Variants in FZR1 observed in about 807,000 individuals in gnomAD.
FZR1 encodes fizzy-related protein homolog.
In FZR1, 11 loss-of-function variants were observed where a neutral mutation model predicts 63.6. That is an observed-to-expected ratio of 0.17 (90% CI 0.11 to 0.29). The LOEUF is 0.29. Ranked by LOEUF, FZR1 falls within the 10% of genes least tolerant of loss-of-function variation. The pLI is 1.00. For synonymous variants in FZR1, 328 were observed against 297.9 expected (o/e 1.10, Z -1.04); for missense variants, 440 against 687.5 (o/e 0.64, Z 4.03).
intron 7 of FZR1, 97 bp downstream of exon 7, chr19:3,527,911 C>A (rs929393476): frequency 2.6e-5 from 25 of 951,948 alleles, no homozygotes; most frequent in Non-Finnish European, 3.7e-5. Context: ...TCAGTACGAG[C>A]CAGGCGCCTG....
chr19:3,523,304 G>A (rs2083120998), intron 2 of FZR1, among the ~76,000 whole-genome samples: 1 of 152,258 alleles, frequency 6.6e-6, no homozygotes, highest in Admixed American at 6.5e-5. Context: ...GGTGGAGCTG[G>A]GGCGGCCGCA....
At chr19:3,522,731 C>G (rs2083114338) in intron 1 of FZR1, among the ~76,000 whole-genome samples, 1 of 152,182 alleles carries the variant, frequency 6.6e-6, no homozygotes, top group Non-Finnish European at 1.5e-5. Flanking sequence ...GGCAGGAGGA[C>G]AGGGTGTGGA....
In FZR1 at chr19:3,514,310, G is replaced by A. The variant is rs1255215001; in HGVS notation, c.-35+7836G>A. Among the ~76,000 whole-genome samples, 1 of 152,150 alleles carries A rather than the reference G, an allele frequency of 6.6e-6. No individual in the cohort carries two copies. The highest frequency in any genetic ancestry group is 1.5e-5 in the Non-Finnish European group (1 of 68,004). On this transcript the variant is annotated intron_variant, in intron 1 of 13. Coordinates refer to ENST00000441788, the MANE Select transcript of FZR1 (RefSeq NM_016263.4). The surrounding 1 kb of genome is among the most constrained non-coding windows in gnomAD (Gnocchi z 4.2). ...TGCCTGGCCACACTCTGCAGGTCTC[G>A]CTCATTCAAGTCACTTCCCTGGTTT...
chr19:3,530,399 GATGGGAGAGCGCATGGGAGAGCGC>G (rs1253718396), intron 7 of FZR1, among the ~76,000 whole-genome samples: 9 of 128,350 alleles, frequency 7.0e-5, no homozygotes, highest in African/African-American at 1.9e-4. Context: ...TGGGTGAGCG[GATGGGAGAGCGCATGGGAGAGCGC>G]ATGGGAGAGC....
chr19:3,507,786 C>T lies in FZR1; in HGVS notation c.-35+1312C>T, dbSNP rs560807356. Among the ~76,000 whole-genome samples the T allele has an allele frequency of 5.3e-3, 812 of 152,314 alleles. 5 individuals carry two copies. The highest frequency in any genetic ancestry group is 9.3e-3 in the South Asian group (45 of 4,826). ...TCCCCGGAGTGGATGTGTCGGGGGC[C>T]GTCTGTCATGCGGAATTCCGCGTGG... On this transcript the variant is annotated intron_variant, in intron 1 of 13. Transcript: ENST00000441788.
intron 7 of FZR1, among the ~76,000 whole-genome samples, chr19:3,529,777 C>A (rs1424354052): frequency 3.8e-4 from 12 of 31,886 alleles, no homozygotes; most frequent in Non-Finnish European, 7.1e-4. Flanking sequence ...TGAGCGGATG[C>A]GAGAGTGGAT....
Position 3,514,020 on chromosome 19 carries a change from A to T in FZR1, c.-35+7546A>T, listed in dbSNP as rs2083041362. 6.6e-6 allele frequency among the ~76,000 whole-genome samples: 1 copy of T among 152,166 alleles called. No homozygotes were observed. The highest frequency in any genetic ancestry group is 1.5e-5 in the Non-Finnish European group (1 of 68,014). On this transcript the variant is annotated intron_variant, in intron 1 of 13. Coordinates refer to ENST00000441788, the MANE Select transcript of FZR1 (RefSeq NM_016263.4). The surrounding 1 kb of genome is among the most constrained non-coding windows in gnomAD (Gnocchi z 4.2). Reference sequence around the variant, plus strand: ...CCAAGCAAGGCGTTGCAGGAGTAGGAGCTTGGCTGAGCCTCCAGGAACCAG... The same window carrying T: ...CCAAGCAAGGCGTTGCAGGAGTAGGTGCTTGGCTGAGCCTCCAGGAACCAG...
chr19:3,532,100 C>A lies in FZR1; in HGVS notation c.1008+5C>A. The A allele has an allele frequency of 6.7e-7, 1 of 1,498,340 alleles. No individual in the cohort carries two copies. The highest frequency in any genetic ancestry group is 2.5e-5 in the East Asian group (1 of 40,110). 92.8% of individuals were successfully genotyped at this position (1,498,340 alleles called of 1,614,324 possible). A position where few individuals can be genotyped will look rare whatever the true frequency, so the allele number is the denominator to read the frequency against. ...TCGGGGGGCAACGACAACAAGGTACCCCCGCCCAGAGCCTGGGCTTCCCCT... is the reference window on the plus strand; with the variant it reads ...TCGGGGGGCAACGACAACAAGGTACACCCGCCCAGAGCCTGGGCTTCCCCT... On this transcript the variant is annotated splice_donor_5th_base_variant and intron_variant, in intron 10 of 13. Transcript: ENST00000441788.
rs1052347266 is a variant in FZR1 at position 3,533,841 on chromosome 19, C to T, written c.1347+443C>T. ...TCTTCCCTGAAAAACATGTTCTGTG[C>T]TTTCATCCGCGCATCTGACAGTCCC... On this transcript the variant is annotated intron_variant, in intron 12 of 13. Coordinates refer to ENST00000441788, the MANE Select transcript of FZR1 (RefSeq NM_016263.4). This position sits in a 1 kb window ranked among gnomAD's most constrained non-coding sequence, Gnocchi z 4.9. 5.6e-6 allele frequency: 1 copy of T among 178,818 alleles called. No homozygotes were observed. The highest frequency in any genetic ancestry group is 2.4e-5 in the African/African-American group (1 of 42,008). 11.1% of individuals were successfully genotyped at this position (178,818 alleles called of 1,614,324 possible).
At position 3,523,034 on chromosome 19, in the gene FZR1, C is replaced by G. The variant is rs768911134; in HGVS notation, c.45C>G (p.Ile15Met). ...GGCGCCTGCTTCGCCAGATCGTCAT[C>G]CAGAATGAGAACACGATGCCACGCG... Reference protein sequence around the residue: ...YERRLLRQIVIQNENTMPRVT... With the variant: ...YERRLLRQIVMQNENTMPRVT... Residue 15 changes from isoleucine (I) to methionine (M), a missense_variant, in exon 2 of 14, where the codon ATC (isoleucine) becomes ATG (methionine). Transcript: ENST00000441788. 9.3e-6 allele frequency: 15 copies of G among 1,610,254 alleles called. No homozygotes were observed. Among genetic ancestry groups the G allele is most frequent in the South Asian group, 4.4e-5 (4 of 91,026 alleles).
Position 3,527,621 on chromosome 19 carries a change from G to C in FZR1, c.471-10G>C, listed in dbSNP as rs200707167. The C allele has an allele frequency of 3.1e-4, 501 of 1,596,526 alleles. 1 individual carries two copies. Among genetic ancestry groups the C allele is most frequent in the Non-Finnish European group, 3.8e-4 (447 of 1,172,040 alleles). The stretch of plus-strand genomic sequence containing the variant: ...CGTGGCTCACGGATGCCACGTGGCC[G>C]CCTCTGCAGCCAGAAGCTGCTCCGG... On this transcript the variant is annotated splice_polypyrimidine_tract_variant and intron_variant, in intron 6 of 13. Coordinates refer to ENST00000441788, the MANE Select transcript of FZR1 (RefSeq NM_016263.4).
chr19:3,514,639 T>C lies in FZR1; in HGVS notation c.-35+8165T>C, dbSNP rs1003906563. Among the ~76,000 whole-genome samples, 4 of 152,176 alleles carry C rather than the reference T, an allele frequency of 2.6e-5. No homozygotes were observed. The highest frequency in any genetic ancestry group is 9.6e-5 in the African/African-American group (4 of 41,524). On this transcript the variant is annotated intron_variant, in intron 1 of 13. Transcript: ENST00000441788. The surrounding 1 kb of genome is among the most constrained non-coding windows in gnomAD (Gnocchi z 4.2). ...TGAGGTCCCAGGAGGCTGCACACAT[T>C]GAAATCCATACCCTGAGTGGGAGGG...
rs2083164241 is a variant in FZR1, at chr19:3,526,886, G to A, written c.388-94G>A. 2.3e-6 allele frequency: 2 copies of A among 872,564 alleles called. No individual in the cohort carries two copies. Among genetic ancestry groups the A allele is most frequent in the Admixed American group, 1.8e-5 (1 of 55,914 alleles). The allele number at this position is 872,564 out of a possible 1,614,324, so 54.1% of individuals were successfully genotyped here. On this transcript the variant is annotated intron_variant, in intron 5 of 13. Transcript: ENST00000441788. The surrounding 1 kb of genome is among the most constrained non-coding windows in gnomAD (Gnocchi z 5.4). ...ACAGGGTCTCAGCACCTGCCTTAGG[G>A]CTATGAGCTGTACCGGGAGCGTGGG... is the stretch of plus-strand genomic sequence containing the variant.
Position 3,527,613 on chromosome 19 carries a change from A to T in FZR1, c.471-18A>T. 5 of 1,593,018 alleles carry T rather than the reference A, an allele frequency of 3.1e-6. No individual in the cohort carries two copies. The highest frequency in any genetic ancestry group is 4.3e-6 in the Non-Finnish European group (5 of 1,170,442). ...CCAAGTGCCGTGGCTCACGGATGCC[A>T]CGTGGCCGCCTCTGCAGCCAGAAGC... On this transcript the variant is annotated intron_variant, in intron 6 of 13. Coordinates refer to ENST00000441788, the MANE Select transcript of FZR1 (RefSeq NM_016263.4).
chr19:3,521,871 T>TC (rs1446550182), intron 1 of FZR1, among the ~76,000 whole-genome samples: 1 of 149,634 alleles, frequency 6.7e-6, no homozygotes, highest in Non-Finnish European at 1.5e-5. Context: ...TTTTTTTTTT[T>TC]CTTGAGACAG....
rs1032344245 is a variant in FZR1 at position 3,537,125 on chromosome 19, G to C, written c.*2289G>C. The C allele has an allele frequency of 6.6e-6, 1 of 152,638 alleles. No individual in the cohort carries two copies. The highest frequency in any genetic ancestry group is 1.5e-5 in the Non-Finnish European group (1 of 68,252). The allele number at this position is 152,638 out of a possible 1,614,324, so 9.5% of individuals were successfully genotyped here. A position where few individuals can be genotyped will look rare whatever the true frequency, so the allele number is the denominator to read the frequency against. Reference sequence around the variant, plus strand: ...GGCCAGGAGGGACAGAGCAAGGGGGGTGAAGGCCGTGGTGGGAGGGTCCCA... The same window carrying C: ...GGCCAGGAGGGACAGAGCAAGGGGGCTGAAGGCCGTGGTGGGAGGGTCCCA... On this transcript the variant is annotated 3_prime_UTR_variant, in exon 14 of 14. Transcript: ENST00000441788.
chr19:3,526,286 A>T lies in FZR1; in HGVS notation c.287A>T (p.Lys96Met). 6.2e-7 allele frequency: 1 copy of T among 1,610,268 alleles called. No individual in the cohort carries two copies. Among genetic ancestry groups the T allele is most frequent in the African/African-American group, 1.3e-5 (1 of 74,962 alleles). The change falls in exon 5 of 14, where the codon AAG (lysine) becomes ATG (methionine). Residue 96 changes from lysine to methionine, a missense_variant. Physicochemically the swap from Lys to Met is moderately conservative, Grantham distance 95 (BLOSUM62 -1). Around this residue, in one of 5 missense-constraint regions of FZR1, gnomAD observed 200 missense variants for 245.1 expected, o/e 0.82. Coordinates refer to ENST00000441788, the MANE Select transcript of FZR1 (RefSeq NM_016263.4). This position sits in a 1 kb window ranked among gnomAD's most constrained non-coding sequence, Gnocchi z 5.4. Reference sequence around the variant, plus strand: ...GGCCTGGCCTACTCTGCCCTGCTCAAGAATGAGCTGCTGGGTGCCGGCATC... The same window carrying T: ...GGCCTGGCCTACTCTGCCCTGCTCATGAATGAGCTGCTGGGTGCCGGCATC... ...KDGLAYSALLKNELLGAGIEK... is the reference protein window; with the variant it reads ...KDGLAYSALLMNELLGAGIEK...
At chr19:3,527,606 G>C in intron 6 of FZR1, 25 bp from the exon 7 acceptor site, 12 of 1,587,076 alleles carry the variant, frequency 7.6e-6, no homozygotes, top group Non-Finnish European at 1.0e-5. Context: ...CGTGGCTCAC[G>C]GATGCCACGT....
intron 12 of FZR1, 61 bp from the exon 13 acceptor site, chr19:3,534,360 C>A (rs1457307905): frequency 2.1e-6 from 2 of 935,090 alleles, no homozygotes; most frequent in South Asian, 1.4e-5. Flanking sequence ...TTCAGTCCCC[C>A]AGCACTGTCC....
Sources: allele counts gnomAD v4.1 joint callset (sites outside exome capture counted in the v4.1 genomes callset), GRCh38; gene constraint gnomAD v4.1.1; regional missense constraint gnomAD v4.1.1; non-coding constraint Gnocchi (gnomAD v3.1); transcripts MANE v1.5; gene names NCBI Gene and HGNC (gene_info 2026-07-23, HGNC 2026-07-21).